Variants in FNIP2 observed in about 807,000 individuals in gnomAD.
The protein encoded by FNIP2 is folliculin-interacting protein 2.
In FNIP2, 32 loss-of-function variants were observed where a neutral mutation model predicts 108.7. The observed-to-expected ratio is 0.29, with a 90% CI of 0.22 to 0.40. The LOEUF is 0.40. FNIP2 is among the 10% of genes least tolerant of loss of function. The pLI is 1.00. For synonymous variants in FNIP2, 480 were observed against 496.7 expected (o/e 0.97, Z 0.45); for missense variants, 1,202 against 1,381.6 (o/e 0.87, Z 2.06).
chr4:158,871,533 A>T, intron 14 of FNIP2: 1 of 985,320 alleles, frequency 1.0e-6, no homozygotes, highest in Non-Finnish European at 1.2e-6. Flanking sequence ...GTGGGAAAAA[A>T]ACTCAGTAGT....
chr4:158,772,918 A>G (rs1775742862), intron 1 of FNIP2, among the ~76,000 whole-genome samples: 1 of 152,184 alleles, frequency 6.6e-6, no homozygotes, highest in Non-Finnish European at 1.5e-5. Flanking sequence ...ATTTTTATAT[A>G]AGCACAGAAT....
intron 7 of FNIP2, among the ~76,000 whole-genome samples, chr4:158,836,926 G>A (rs993187988): frequency 6.6e-5 from 10 of 150,800 alleles, no homozygotes; most frequent in Non-Finnish European, 2.9e-5. Context: ...GAAGCACTAA[G>A]TAAACTGTTT....
chr4:158,891,514 G>A lies in FNIP2; in HGVS notation c.3018G>A (p.Val1006=). 1.9e-6 allele frequency: 3 copies of A among 1,610,174 alleles called. No individual in the cohort carries two copies. The highest frequency in any genetic ancestry group is 2.5e-6 in the Non-Finnish European group (3 of 1,178,162). ...CIIADTDKWS[V]QVATSQRKVT... Reference sequence around the variant, plus strand: ...TCGCAGACACGGATAAATGGAGTGTGCAGGTAGCTACAAGTCAGAGGAAAG... The same window carrying A: ...TCGCAGACACGGATAAATGGAGTGTACAGGTAGCTACAAGTCAGAGGAAAG... Residue 1006 remains valine (V), a synonymous_variant, in exon 15 of 17, where the codon GTG becomes GTA. Transcript: ENST00000264433.
At chr4:158,829,409 A>G (rs1560783018) in intron 3 of FNIP2, among the ~76,000 whole-genome samples, 184 bp downstream of exon 3, 1 of 152,156 alleles carries the variant, frequency 6.6e-6, no homozygotes, top group Non-Finnish European at 1.5e-5. Flanking sequence ...TCTCCAATAA[A>G]AACTGTAATC....
intron 7 of FNIP2, chr4:158,836,646 A>G (rs1018036090): frequency 9.7e-5 from 7 of 72,324 alleles, no homozygotes; most frequent in African/African-American, 2.8e-4. Flanking sequence ...TAAAAATACA[A>G]AAAAAAAAAA....
rs114156424 is a variant in FNIP2 at position 158,855,212 on chromosome 4, G to A, written c.857+3762G>A. ...TTCATTGTCTCATTAGACTTCATCCGAACACATGCTTCATTGTCCCATTAA... is the reference window on the plus strand; with the variant it reads ...TTCATTGTCTCATTAGACTTCATCCAAACACATGCTTCATTGTCCCATTAA... On this transcript the variant is annotated intron_variant, in intron 8 of 16. Coordinates refer to ENST00000264433, the MANE Select transcript of FNIP2 (RefSeq NM_020840.3). Among the ~76,000 whole-genome samples, 1,080 of 152,110 alleles carry A rather than the reference G, an allele frequency of 7.1e-3. 10 individuals are homozygous for A. The highest frequency in any genetic ancestry group is 0.024 in the African/African-American group (993 of 41,500).
chr4:158,880,139 C>G (rs13129071), intron 14 of FNIP2, among the ~76,000 whole-genome samples: 45,749 of 146,438 alleles, frequency 0.31, 9,119 homozygotes, highest in Non-Finnish European at 0.4. Flanking sequence ...AAGACACATG[C>G]ACACGTATGT....
intron 1 of FNIP2, among the ~76,000 whole-genome samples, chr4:158,796,973 C>T (rs1005571693): frequency 6.6e-6 from 1 of 152,168 alleles, no homozygotes; most frequent in Non-Finnish European, 1.5e-5. Context: ...TCAGCCTGAT[C>T]ATGAGGAACT....
At chr4:158,832,035 A>C (rs1778514112) in intron 4 of FNIP2, 32 bp from the exon 5 acceptor site, 1 of 1,607,026 alleles carries the variant, frequency 6.2e-7, no homozygotes, top group Admixed American at 1.7e-5. Context: ...TCATAAATTT[A>C]TTTTTCCCCT....
At chr4:158,840,934 T>C (rs1031516229) in intron 7 of FNIP2, among the ~76,000 whole-genome samples, 1 of 152,254 alleles carries the variant, frequency 6.6e-6, no homozygotes, top group African/African-American at 2.4e-5. Flanking sequence ...ACTTACAATA[T>C]ATACTTTTAA....
At chr4:158,794,651 C>A (rs1776525070) in intron 1 of FNIP2, 1 of 152,398 alleles carries the variant, frequency 6.6e-6, no homozygotes, top group South Asian at 2.1e-4. Flanking sequence ...TGCTAATCTT[C>A]TCTGTTTCGT....
chr4:158,788,907 C>T (rs760359810), intron 1 of FNIP2, among the ~76,000 whole-genome samples: 4 of 152,216 alleles, frequency 2.6e-5, no homozygotes, highest in Non-Finnish European at 5.9e-5. Flanking sequence ...TTCCATGCTT[C>T]ATCTTTAGGC....
intron 1 of FNIP2, among the ~76,000 whole-genome samples, chr4:158,791,070 GA>G (rs1283015325): frequency 6.6e-6 from 1 of 151,998 alleles, no homozygotes; most frequent in African/African-American, 2.4e-5. Flanking sequence ...AATGGAGAGA[GA>G]GGGGTGAGGG....
chr4:158,834,838 G>C (rs1292675432), intron 6 of FNIP2: 1 of 153,482 alleles, frequency 6.5e-6, no homozygotes, highest in Admixed American at 6.5e-5. Flanking sequence ...CAATAATACT[G>C]TGTATGGGTG....
intron 1 of FNIP2, among the ~76,000 whole-genome samples, chr4:158,803,580 G>A (rs2126481735): frequency 6.6e-6 from 1 of 152,276 alleles, no homozygotes; most frequent in Non-Finnish European, 1.5e-5. Context: ...GAAATTTGAA[G>A]TCATGTAGAG....
chr4:158,833,943 T>C (rs1476054661), intron 6 of FNIP2: 1 of 1,170,384 alleles, frequency 8.5e-7, no homozygotes, highest in African/African-American at 1.6e-5. Flanking sequence ...ATAAATCCTG[T>C]GCAGGTTCTT....
At chr4:158,811,257 T>G (rs1434242461) in intron 1 of FNIP2, among the ~76,000 whole-genome samples, 1 of 152,222 alleles carries the variant, frequency 6.6e-6, no homozygotes, top group East Asian at 1.9e-4. Context: ...ACTTTAGGTT[T>G]TTACAGAACA....
At position 158,825,915 on chromosome 4, in the gene FNIP2, G is replaced by A; in HGVS notation, c.108-1G>A. On this transcript the variant is annotated splice_acceptor_variant, in intron 1 of 16. Transcript: ENST00000264433. LOFTEE classifies it high-confidence loss of function. ...CTTCTTTTGCCCTTTTTAATCCACAGTTGGTCATGTTCGGAGTTTGACCTG... is the reference window on the plus strand; with the variant it reads ...CTTCTTTTGCCCTTTTTAATCCACAATTGGTCATGTTCGGAGTTTGACCTG... 1 of 1,605,096 alleles carries A rather than the reference G, an allele frequency of 6.2e-7. No homozygotes were observed. Among genetic ancestry groups the A allele is most frequent in the Non-Finnish European group, 8.5e-7 (1 of 1,172,944 alleles).
At chr4:158,771,308 C>G (rs1215202661) in intron 1 of FNIP2, among the ~76,000 whole-genome samples, 5 of 152,188 alleles carry the variant, frequency 3.3e-5, no homozygotes, top group Non-Finnish European at 7.3e-5. Flanking sequence ...ACAAACCATC[C>G]TGTGCTCACC....
Sources: allele counts gnomAD v4.1 joint callset (sites outside exome capture counted in the v4.1 genomes callset), GRCh38; gene constraint gnomAD v4.1.1; transcripts MANE v1.5; gene names NCBI Gene and HGNC (gene_info 2026-07-23, HGNC 2026-07-21).